Variants in TSPEAR observed in about 807,000 individuals in gnomAD.
The protein encoded by TSPEAR is thrombospondin-type laminin G domain and EAR repeat-containing protein.
In TSPEAR, 69 loss-of-function variants were observed where a neutral mutation model predicts 71.6. That is an observed-to-expected ratio of 0.96 (90% confidence interval 0.79 to 1.18). The LOEUF is 1.18. TSPEAR is among the 50% of genes most tolerant of loss of function. The pLI is 0.00. For synonymous variants in TSPEAR, 402 were observed against 387.2 expected, an observed-to-expected ratio of 1.04 and a Z score of -0.45; for missense variants, 971 against 894.9, an observed-to-expected ratio of 1.09 and a Z score of -1.09.
chr21:44,582,387 G>A (rs976630854), intron 1 of TSPEAR, among the ~76,000 whole-genome samples: 1 of 152,246 alleles, frequency 6.6e-6, no homozygotes, highest in Non-Finnish European at 1.5e-5. Context: ...TGCTTCCTGA[G>A]TGGCAGGCAG....
chr21:44,650,927 G>A (rs587613471), intron 1 of TSPEAR, among the ~76,000 whole-genome samples: 4 of 152,334 alleles, frequency 2.6e-5, no homozygotes, highest in East Asian at 3.9e-4. Flanking sequence ...GTCTGAGGCC[G>A]GAATCTGCAG....
chr21:44,711,498 CTCAGCAGG>C lies in TSPEAR; in HGVS notation c.9_16del (p.Leu4SerfsTer36), dbSNP rs1354562061. ...CGCCAGGGGCAGCACAAAACACAGA[CTCAGCAGG>C]GCAGACATGAGGGGCTTGGGTGCCA... On this transcript the variant is annotated frameshift_variant, in exon 1 of 12. Transcript: ENST00000323084. LOFTEE classifies it high-confidence loss of function. The surrounding 1 kb of genome is among the most constrained non-coding windows in gnomAD (Gnocchi z 4.5). 1.4e-5 allele frequency: 23 copies of C among 1,611,840 alleles called. No individual in the cohort carries two copies. The highest frequency in any genetic ancestry group is 1.9e-5 in the Non-Finnish European group (22 of 1,179,412).
At chr21:44,691,307 T>C (rs1024079777) in intron 1 of TSPEAR, among the ~76,000 whole-genome samples, 8 of 152,220 alleles carry the variant, frequency 5.3e-5, no homozygotes, top group Admixed American at 5.2e-4. Context: ...CCTATGTCTC[T>C]AACGTATAAC....
chr21:44,564,373 T>C (rs1555921488), intron 2 of TSPEAR, among the ~76,000 whole-genome samples: 2 of 152,156 alleles, frequency 1.3e-5, no homozygotes, highest in Non-Finnish European at 2.9e-5. Context: ...CAAGATGTAA[T>C]AGATACTCTG....
chr21:44,654,984 A>G lies in TSPEAR; in HGVS notation c.82+56449T>C, dbSNP rs1176149131. Among the ~76,000 whole-genome samples, 6 of 152,094 alleles carry G rather than the reference A, an allele frequency of 3.9e-5. No individual in the cohort carries two copies. In the East Asian group the frequency reaches 7.7e-4, roughly 20 times the overall value. ...TCACACAAGCACAGTCACACTCACT[A>G]CACCAGGGGCCCCGTTTTGACTGAG... On this transcript the variant is annotated intron_variant, in intron 1 of 11. Transcript: ENST00000323084.
chr21:44,500,043 C>G, intron 11 of TSPEAR, 107 bp from the exon 12 acceptor site: 1 of 1,201,498 alleles, frequency 8.3e-7, no homozygotes, highest in South Asian at 1.5e-5. Flanking sequence ...TGGGTCACAT[C>G]TGAGCCTCTT....
chr21:44,647,718 G>A (rs1984526145), intron 1 of TSPEAR: 8 of 322,284 alleles, frequency 2.5e-5, no homozygotes, highest in Non-Finnish European at 4.9e-5. Context: ...TGGGGTGTGG[G>A]ACCCACTGTC....
At chr21:44,532,862 T>C (rs2053000685) in intron 3 of TSPEAR, among the ~76,000 whole-genome samples, 1 of 152,166 alleles carries the variant, frequency 6.6e-6, no homozygotes, top group Non-Finnish European at 1.5e-5. Flanking sequence ...CTACAAAGGA[T>C]AATCTTGTAC....
intron 9 of TSPEAR, among the ~76,000 whole-genome samples, chr21:44,514,629 C>T (rs587724405): frequency 2.0e-5 from 3 of 152,246 alleles, no homozygotes; most frequent in East Asian, 3.9e-4. Context: ...ATTTGGTGAC[C>T]GCGACTGCAC....
At chr21:44,702,644 C>G in intron 1 of TSPEAR, 1 of 1,587,354 alleles carries the variant, frequency 6.3e-7, no homozygotes, top group Non-Finnish European at 8.6e-7. Context: ...GTGTGCAGGC[C>G]CACCTGCTGC....
At position 44,550,664 on chromosome 21, in the gene TSPEAR, C is replaced by G. The variant is rs368591693; in HGVS notation, c.304-16741G>C. ...GACTGGCAGGGAGGTGGGGCCTGAG[C>G]CCGGCTGGCCCTGGGGGACATGGCC... On this transcript the variant is annotated intron_variant, in intron 2 of 11. Transcript: ENST00000323084. The G allele has an allele frequency of 5.3e-5, 85 of 1,609,166 alleles. No homozygotes were observed. The African/African-American group carries it at 1.1e-3, about 20-fold the overall frequency.
In TSPEAR at chr21:44,697,144, C is replaced by T. The variant is rs558357359; in HGVS notation, c.82+14289G>A. ...CCCTCCTTCCCATCCAGCACCCAGA[C>T]ACTCACTGTCTCCCTCTCAGCTCCC... is the stretch of plus-strand genomic sequence containing the variant. On this transcript the variant is annotated intron_variant, in intron 1 of 11. Coordinates refer to ENST00000323084, the MANE Select transcript of TSPEAR (RefSeq NM_144991.3). 1.6e-5 allele frequency: 26 copies of T among 1,588,098 alleles called. No homozygotes were observed. The African/African-American group carries it at 2.8e-4, about 17-fold the overall frequency.
In TSPEAR at chr21:44,529,874, C is replaced by T. The variant is rs146025689; in HGVS notation, c.714G>A (p.Ala238=). Residue 238 remains alanine, a synonymous_variant, in exon 5 of 12, where the codon GCG becomes GCA. Coordinates refer to ENST00000323084, the MANE Select transcript of TSPEAR (RefSeq NM_144991.3). The stretch of plus-strand genomic sequence containing the variant: ...GCAGGACCCGTGGGATGGACAGCAC[C>T]GCCAGCGGGGCGTTCCTGCTGGGAC... ...RLCPSRNAPL[A]VLSIPRVLQA... 1,963 of 1,613,622 alleles carry T rather than the reference C, an allele frequency of 1.2e-3. 8 individuals carry two copies. Among genetic ancestry groups the T allele is most frequent in the Non-Finnish European group, 1.2e-3 (1,444 of 1,179,908 alleles).
rs186183912 is a variant in TSPEAR at position 44,519,091 on chromosome 21, T to C, written c.1566+2792A>G. Reference sequence around the variant, plus strand: ...TCGCCCAGGCTGGAGTGCAGTGGCGTGATCTCGGCTCACTGCAAGCTCCGC... The same window carrying C: ...TCGCCCAGGCTGGAGTGCAGTGGCGCGATCTCGGCTCACTGCAAGCTCCGC... On this transcript the variant is annotated intron_variant, in intron 9 of 11. Transcript: ENST00000323084. The C allele has an allele frequency of 5.3e-3, 831 of 157,632 alleles. 11 individuals are homozygous for C. Among genetic ancestry groups the C allele is most frequent in the Non-Finnish European group, 5.9e-3 (420 of 71,380 alleles). 9.8% of individuals were successfully genotyped at this position (157,632 alleles called of 1,614,324 possible).
intron 1 of TSPEAR, chr21:44,579,871 G>A (rs587727747): frequency 3.1e-6 from 5 of 1,598,316 alleles, no homozygotes; most frequent in Non-Finnish European, 4.3e-6. Flanking sequence ...AGGAGGAGAT[G>A]GGCAGGCAGC....
At chr21:44,658,143 G>A in intron 1 of TSPEAR, 1 of 1,613,804 alleles carries the variant, frequency 6.2e-7, no homozygotes, top group Non-Finnish European at 8.5e-7. Context: ...CCCTCCGTGT[G>A]CGTGCCCGTG....
chr21:44,592,888 C>G (rs1405461178), intron 1 of TSPEAR, among the ~76,000 whole-genome samples: 1 of 152,194 alleles, frequency 6.6e-6, no homozygotes, highest in Non-Finnish European at 1.5e-5. Flanking sequence ...TGGTCCTTCC[C>G]CCATCACCGG....
At chr21:44,614,655 G>A (rs1981956193) in intron 1 of TSPEAR, among the ~76,000 whole-genome samples, 1 of 152,242 alleles carries the variant, frequency 6.6e-6, no homozygotes, top group Admixed American at 6.5e-5. Context: ...CCAGCAGACA[G>A]ATGAATGCAT....
intron 1 of TSPEAR, chr21:44,676,515 G>T: frequency 2.6e-6 from 2 of 774,952 alleles, no homozygotes; most frequent in Admixed American, 1.9e-5. Context: ...GTCTGGCATA[G>T]GCGGTATTTA....
Sources: gnomAD v4.1 joint callset for allele counts (sites outside exome capture counted in the v4.1 genomes callset) on GRCh38, gnomAD v4.1.1 for gene constraint, Gnocchi (gnomAD v3.1) non-coding constraint, MANE v1.5 for transcripts, NCBI Gene and HGNC (gene_info 2026-07-23, HGNC 2026-07-21) for gene names.